SLC44A4: variants seen among roughly 807,000 people sequenced by gnomAD.
SLC44A4 encodes the protein choline transporter-like protein 4.
SLC44A4 carries 74 observed loss-of-function variants against 97.0 expected under a neutral mutation model. That is an observed-to-expected ratio of 0.76 (90% CI 0.63 to 0.93). The LOEUF (loss-of-function observed/expected upper bound fraction) is 0.93, where lower values mean the gene tolerates loss of function less well. Among genes scored for constraint, SLC44A4 ranks in the 40% least tolerant of loss-of-function variants. The pLI is 0.00. For missense variants in SLC44A4, 799 were observed against 902.9 expected (o/e 0.88, Z 1.48); for synonymous variants, 325 against 363.8 (o/e 0.89, Z 1.21).
At chr6:31,875,689 G>A (rs551125567) in intron 4 of SLC44A4, 163 bp downstream of exon 4, 20 of 646,918 alleles carry the variant, frequency 3.1e-5, no homozygotes, top group African/African-American at 2.0e-4. Flanking sequence ...GGTTCTTAAC[G>A]TGGCCTGGAG....
chr6:31,877,070 T>G lies in SLC44A4; in HGVS notation c.53A>C (p.Lys18Thr), dbSNP rs1466107041. 2.5e-6 allele frequency: 4 copies of G among 1,610,268 alleles called. No individual in the cohort carries two copies. Residue 18 changes from lysine (K) to threonine (T), a missense_variant, in exon 2 of 21, where the codon AAA (lysine) becomes ACA (threonine). By Grantham distance (78) the Lys-to-Thr change is moderately conservative. Transcript: ENST00000229729. The surrounding 1 kb of genome is among the most constrained non-coding windows in gnomAD (Gnocchi z 6.5). ...GGGGCCTCGAAAGGAGGGGTCGTAT[T>G]TGACTGGCTTCCCTGAGGGACATGA... The part of the protein sequence containing the change: ...EDDEAYGKPV[K>T]YDPSFRGPIK...
At chr6:31,870,457 AAAGCCACAG>A (rs1389821218) in intron 11 of SLC44A4, 137 bp downstream of exon 11, 16 of 644,016 alleles carry the variant, frequency 2.5e-5, no homozygotes, top group Non-Finnish European at 4.1e-5. Context: ...ATGGGGAAGC[AAAGCCACAG>A]CAGTGTTCAC....
intron 11 of SLC44A4, 28 bp downstream of exon 11, chr6:31,870,575 C>A: frequency 3.9e-6 from 6 of 1,554,764 alleles, no homozygotes; most frequent in Non-Finnish European, 4.4e-6. Context: ...TGTCCTCAAC[C>A]CCATCTCCCT....
rs551433157 is a variant in SLC44A4, at chr6:31,869,878, C to G, written c.1038-241G>C. 2.0e-5 allele frequency among the ~76,000 whole-genome samples: 3 copies of G among 151,822 alleles called. No homozygotes were observed. The East Asian group carries it at 5.8e-4, about 29-fold the overall frequency. ...CGGGCGCCTGTAGTGCCAGCTACTC[C>G]GGAGGCTGAGGCAGGAGAATGGCGT... is the stretch of plus-strand genomic sequence containing the variant. On this transcript the variant is annotated intron_variant, in intron 11 of 20. Transcript: ENST00000229729.
intron 13 of SLC44A4, 79 bp downstream of exon 13, chr6:31,869,076 C>A: frequency 8.2e-7 from 1 of 1,226,162 alleles, no homozygotes; most frequent in Non-Finnish European, 1.1e-6. Context: ...CCTCAGTCTT[C>A]TCTGCACAAT....
In SLC44A4 at chr6:31,870,948, G is replaced by T. The variant is rs776759651; in HGVS notation, c.801C>A (p.Gly267=). The T allele has an allele frequency of 5.6e-6, 9 of 1,612,762 alleles. No homozygotes were observed. Among genetic ancestry groups the T allele is most frequent in the African/African-American group, 1.3e-5 (1 of 74,872 alleles). The change falls in exon 10 of 21, where the codon GGC becomes GGA. Residue 267 remains glycine, a synonymous_variant. Transcript: ENST00000229729. The part of the protein sequence containing the change: ...LVLVLILGVL[G]VLAYGIYYCW... ...AGTAGTAGATGCCGTATGCCAGCAC[G>T]CCCAGCACTCCCAGGATCAGCACCA...
At position 31,865,005 on chromosome 6, in the gene SLC44A4, C is replaced by T; in HGVS notation, c.1831+5G>A. 2 of 1,614,004 alleles carry T rather than the reference C, an allele frequency of 1.2e-6. No homozygotes were observed. Among genetic ancestry groups the T allele is most frequent in the Non-Finnish European group, 1.7e-6 (2 of 1,180,034 alleles). On this transcript the variant is annotated splice_donor_5th_base_variant and intron_variant, in intron 18 of 20. Coordinates refer to ENST00000229729, the MANE Select transcript of SLC44A4 (RefSeq NM_025257.3). This position sits in a 1 kb window ranked among gnomAD's most constrained non-coding sequence, Gnocchi z 5.2. ...CCTCTGTCCCCACAGCTTCTGGTCC[C>T]TTACCCACGCCTCCGACCACCAGCA...
chr6:31,878,658 A>C lies in SLC44A4; in HGVS notation c.40+283T>G, dbSNP rs1214395827. 6.6e-6 allele frequency among the ~76,000 whole-genome samples: 1 copy of C among 151,534 alleles called. No individual in the cohort carries two copies. Among genetic ancestry groups the C allele is most frequent in the Non-Finnish European group, 1.5e-5 (1 of 67,870 alleles). The stretch of plus-strand genomic sequence containing the variant: ...CCCTGCCCTTAGGGACCCAGAGTCC[A>C]GGCCTGAAATACCCCCCTCCTCCCA... On this transcript the variant is annotated intron_variant, in intron 1 of 20. Transcript: ENST00000229729. The surrounding 1 kb of genome is among the most constrained non-coding windows in gnomAD (Gnocchi z 4.0).
chr6:31,871,554 C>T lies in SLC44A4; in HGVS notation c.537G>A (p.Gly179=), dbSNP rs2242664. 906,350 of 1,609,078 alleles carry T rather than the reference C, an allele frequency of 0.56. 260,480 individuals are homozygous for T. Among genetic ancestry groups the T allele is most frequent in the Middle Eastern group, 0.79 (4,761 of 6,028 alleles). Residue 179 remains glycine (G), a synonymous_variant, in exon 8 of 21, where the codon GGG becomes GGA. Coordinates refer to ENST00000229729, the MANE Select transcript of SLC44A4 (RefSeq NM_025257.3). ...SFLLPSAPAL[G]RCFPWTNVTP... is the part of the protein sequence containing the mutation. Reference sequence around the variant, plus strand: ...TAACGTTGGTCCATGGAAAGCAGCGCCCCAGAGCTGGAAGGGAGAGCCGGG... The same window carrying T: ...TAACGTTGGTCCATGGAAAGCAGCGTCCCAGAGCTGGAAGGGAGAGCCGGG...
At chr6:31,875,956 A>C (rs1258821615) in intron 3 of SLC44A4, 26 bp from the exon 4 acceptor site, 3 of 1,613,682 alleles carry the variant, frequency 1.9e-6, no homozygotes, top group Non-Finnish European at 2.5e-6. Context: ...CAGATGAGTC[A>C]TTGGAGGGCA....
chr6:31,865,952 C>G lies in SLC44A4; in HGVS notation c.1408G>C (p.Ala470Pro). 1 of 1,614,206 alleles carries G rather than the reference C, an allele frequency of 6.2e-7. No individual in the cohort carries two copies. The highest frequency in any genetic ancestry group is 8.5e-7 in the Non-Finnish European group (1 of 1,180,026). Residue 470 changes from alanine (A) to proline (P), a missense_variant, in exon 14 of 21, where the codon GCC becomes CCC. Physicochemically the swap from Ala to Pro is conservative, Grantham distance 27. Transcript: ENST00000229729. The surrounding 1 kb of genome is among the most constrained non-coding windows in gnomAD (Gnocchi z 5.2). ...TTGTGGAAGGCCCAGTAGAAGGAGG[C>G]AAAGGCTCCAGCGAGGACGCATTGG... ...LGQCVLAGAF[A>P]SFYWAFHKPQ...
At chr6:31,872,540 TA>T (rs1763229265) in intron 7 of SLC44A4, among the ~76,000 whole-genome samples, 1 of 152,148 alleles carries the variant, frequency 6.6e-6, no homozygotes, top group African/African-American at 2.4e-5. Context: ...CTAGCTTATT[TA>T]TTTTTTAGAG....
chr6:31,872,796 C>G (rs938948515), intron 7 of SLC44A4, among the ~76,000 whole-genome samples: 2 of 152,208 alleles, frequency 1.3e-5, no homozygotes, highest in Admixed American at 1.3e-4. Flanking sequence ...ATATTCAGAT[C>G]TACTTGACTT....
chr6:31,878,868 G>A lies in SLC44A4; in HGVS notation c.40+73C>T. ...TCCTTAGTTCCTCTCCCTGGAGCCAGCCCCAGACACCATTCCCAAAGTACC... is the reference window on the plus strand; with the variant it reads ...TCCTTAGTTCCTCTCCCTGGAGCCAACCCCAGACACCATTCCCAAAGTACC... On this transcript the variant is annotated intron_variant, in intron 1 of 20. Transcript: ENST00000229729. This position sits in a 1 kb window ranked among gnomAD's most constrained non-coding sequence, Gnocchi z 4.0. 6.5e-7 allele frequency: 1 copy of A among 1,528,212 alleles called. No individual in the cohort carries two copies. Among genetic ancestry groups the A allele is most frequent in the South Asian group, 1.1e-5 (1 of 89,344 alleles). 94.7% of individuals were successfully genotyped at this position (1,528,212 alleles called of 1,614,324 possible).
chr6:31,875,957 T>C (rs777860492), intron 3 of SLC44A4, 27 bp from the exon 4 acceptor site: 14 of 1,613,642 alleles, frequency 8.7e-6, no homozygotes, highest in South Asian at 4.4e-5. Context: ...AGATGAGTCA[T>C]TGGAGGGCAG....
intron 7 of SLC44A4, among the ~76,000 whole-genome samples, chr6:31,873,157 G>T (rs1763266071): frequency 6.6e-6 from 1 of 152,050 alleles, no homozygotes; most frequent in Non-Finnish European, 1.5e-5. Context: ...TTACAGGTGT[G>T]AGCCACTGCT....
At chr6:31,872,893 T>G (rs1220869143) in intron 7 of SLC44A4, among the ~76,000 whole-genome samples, 2 of 148,868 alleles carry the variant, frequency 1.3e-5, no homozygotes, top group African/African-American at 2.5e-5. Flanking sequence ...TAATTTTTTT[T>G]TTTTGAGATG....
rs1763510500 is a variant in SLC44A4 at position 31,877,546 on chromosome 6, C to T, written c.41-464G>A. 4 of 978,582 alleles carry T rather than the reference C, an allele frequency of 4.1e-6. No individual in the cohort carries two copies. The highest frequency in any genetic ancestry group is 3.7e-6 in the Non-Finnish European group (3 of 820,088). 60.6% of individuals were successfully genotyped at this position (978,582 alleles called of 1,614,324 possible). A position where few individuals can be genotyped will look rare whatever the true frequency, so the allele number is the denominator to read the frequency against. On this transcript the variant is annotated intron_variant, in intron 1 of 20. Transcript: ENST00000229729. The surrounding 1 kb of genome is among the most constrained non-coding windows in gnomAD (Gnocchi z 6.5). ...GGTCATGGCCTCTTCCCCTATCTGCCCCAGGCCCTACCTTACCCTCTGGTT... is the reference window on the plus strand; with the variant it reads ...GGTCATGGCCTCTTCCCCTATCTGCTCCAGGCCCTACCTTACCCTCTGGTT...
chr6:31,871,605 T>C, intron 7 of SLC44A4, 44 bp from the exon 8 acceptor site: 1 of 1,483,928 alleles, frequency 6.7e-7, no homozygotes, highest in Non-Finnish European at 9.4e-7. Context: ...CCAGGAGCTC[T>C]GCCTGGAGGG....
Sources: gnomAD v4.1 joint callset for allele counts (sites outside exome capture counted in the v4.1 genomes callset) on GRCh38, gnomAD v4.1.1 for gene constraint, Gnocchi (gnomAD v3.1) non-coding constraint, MANE v1.5 for transcripts, NCBI Gene and HGNC (gene_info 2026-07-23, HGNC 2026-07-21) for gene names.